The following KCNIP1 variants were observed in gnomAD, a reference collection of about 807,000 sequenced individuals.
KCNIP1 encodes the protein potassium voltage-gated channel interacting protein 1.
A neutral mutation model predicts 33.0 loss-of-function variants in KCNIP1; 18 were observed. The ratio of observed to expected loss-of-function variants is 0.55; its 90% CI spans 0.38 to 0.81. The LOEUF (loss-of-function observed/expected upper bound fraction) is 0.81. Among genes scored for constraint, KCNIP1 ranks in the 30% least tolerant of loss-of-function variants. The pLI is 0.00. For synonymous variants in KCNIP1, 93 were observed against 98.3 expected, an observed-to-expected ratio of 0.95 and a Z score of 0.32; for missense variants, 238 against 271.6, an observed-to-expected ratio of 0.88 and a Z score of 0.87.
intron 1 of KCNIP1, among the ~76,000 whole-genome samples, chr5:170,645,112 T>C (rs1482185665): frequency 6.6e-6 from 1 of 152,112 alleles, no homozygotes; most frequent in East Asian, 1.9e-4. Flanking sequence ...CTCAGAAAAT[T>C]AGGTCCCTGG....
At chr5:170,524,276 G>T (rs1243845699) in intron 1 of KCNIP1, among the ~76,000 whole-genome samples, 1 of 152,120 alleles carries the variant, frequency 6.6e-6, no homozygotes, top group Non-Finnish European at 1.5e-5. Flanking sequence ...CCCCTGCCCT[G>T]CTTGTGACAC....
chr5:170,629,072 C>T (rs1252666803), intron 1 of KCNIP1, among the ~76,000 whole-genome samples: 2 of 152,210 alleles, frequency 1.3e-5, no homozygotes, highest in Admixed American at 1.3e-4. Context: ...ACTCCCACCT[C>T]GCACATCTAT....
intron 1 of KCNIP1, among the ~76,000 whole-genome samples, chr5:170,668,112 C>T (rs909795419): frequency 1.3e-5 from 2 of 152,200 alleles, no homozygotes; most frequent in African/African-American, 4.8e-5. Flanking sequence ...GCAACATGCA[C>T]TTTTCCTTGA....
At chr5:170,493,883 G>A (rs766869766) in intron 1 of KCNIP1, among the ~76,000 whole-genome samples, 44 of 152,144 alleles carry the variant, frequency 2.9e-4, no homozygotes, top group Admixed American at 1.6e-3. Flanking sequence ...CTCTCTCCAC[G>A]GAACTGTGAG....
Position 170,353,965 on chromosome 5 carries a change from G to A in KCNIP1, c.88+1G>A. On this transcript the variant is annotated splice_donor_variant, in intron 1 of 7. Transcript: ENST00000377360. LOFTEE classifies it high-confidence loss of function. ...CTCATCACTGGGACCCTCAGCAAAG[G>A]TATGGAAACTGGCCTTGACCCTTGC... 1 of 1,613,844 alleles carries A rather than the reference G, an allele frequency of 6.2e-7. No homozygotes were observed. Among genetic ancestry groups the A allele is most frequent in the East Asian group, 2.2e-5 (1 of 44,890 alleles).
intron 1 of KCNIP1, chr5:170,378,710 C>A: frequency 6.2e-7 from 1 of 1,609,694 alleles, no homozygotes; most frequent in South Asian, 1.1e-5. Context: ...GGCTCTACTT[C>A]TGGGCCGCCA....
At chr5:170,609,957 C>T (rs1458181339) in intron 1 of KCNIP1, among the ~76,000 whole-genome samples, 1 of 152,174 alleles carries the variant, frequency 6.6e-6, no homozygotes, top group Non-Finnish European at 1.5e-5. Flanking sequence ...GGAAGCTGGA[C>T]ATAAAGCTAG....
At chr5:170,390,517 A>AAAAAAAAAAAATATAAATAT in intron 1 of KCNIP1, among the ~76,000 whole-genome samples, 1 of 74,546 alleles carries the variant, frequency 1.3e-5, no homozygotes, top group Admixed American at 1.5e-4. Context: ...AAAAAAAACA[A>AAAAAAAAAAAATATAAATAT]ATATATATAT....
intron 1 of KCNIP1, among the ~76,000 whole-genome samples, chr5:170,683,930 GTGTGT>G (rs1762453011): frequency 6.7e-6 from 1 of 149,992 alleles, no homozygotes; most frequent in African/African-American, 2.5e-5. Flanking sequence ...GTGTGTGTGT[GTGTGT>G]TAGTAGAGAC....
chr5:170,704,935 GTTTCAT>G (rs1763208292), intron 1 of KCNIP1, among the ~76,000 whole-genome samples: 3 of 152,102 alleles, frequency 2.0e-5, no homozygotes, highest in South Asian at 2.1e-4. Context: ...TTTTATGATG[GTTTCAT>G]TTTACATTTT....
chr5:170,723,429 T>C (rs1301513125), intron 5 of KCNIP1, among the ~76,000 whole-genome samples: 1 of 152,052 alleles, frequency 6.6e-6, no homozygotes, highest in Non-Finnish European at 1.5e-5. Context: ...CACTTTGGTA[T>C]CCACTGTATC....
chr5:170,690,613 G>A (rs371980863), intron 1 of KCNIP1, among the ~76,000 whole-genome samples: 63 of 152,318 alleles, frequency 4.1e-4, no homozygotes, highest in African/African-American at 1.5e-3. Context: ...CAACTCTGGG[G>A]CACCCTCACT....
chr5:170,449,086 T>C (rs1756185935), intron 1 of KCNIP1, among the ~76,000 whole-genome samples: 1 of 152,196 alleles, frequency 6.6e-6, no homozygotes, highest in Admixed American at 6.5e-5. Flanking sequence ...AATGAGACAC[T>C]AGCCCTCTCC....
intron 1 of KCNIP1, among the ~76,000 whole-genome samples, chr5:170,492,901 C>A (rs1271230050): frequency 5.3e-5 from 8 of 152,180 alleles, no homozygotes; most frequent in African/African-American, 1.9e-4. Flanking sequence ...AGGTGCCCAC[C>A]ACCATGCCTG....
chr5:170,718,318 C>G (rs1763701019), intron 1 of KCNIP1, among the ~76,000 whole-genome samples: 2 of 152,130 alleles, frequency 1.3e-5, no homozygotes, highest in Admixed American at 1.3e-4. Flanking sequence ...TCCTAGTTGG[C>G]CCCAATGGTG....
intron 1 of KCNIP1, among the ~76,000 whole-genome samples, chr5:170,408,749 C>A (rs1458414705): frequency 6.6e-6 from 1 of 152,180 alleles, no homozygotes; most frequent in Non-Finnish European, 1.5e-5. Flanking sequence ...GCTTTCTCTG[C>A]TGTCACTGCG....
chr5:170,463,602 T>C (rs1756551681), intron 1 of KCNIP1, among the ~76,000 whole-genome samples: 1 of 152,092 alleles, frequency 6.6e-6, no homozygotes, highest in African/African-American at 2.4e-5. Flanking sequence ...AGAAAAATCA[T>C]TTAACAAAAT....
At chr5:170,510,577 T>G (rs917027654) in intron 1 of KCNIP1, among the ~76,000 whole-genome samples, 5 of 152,212 alleles carry the variant, frequency 3.3e-5, no homozygotes, top group African/African-American at 1.2e-4. Flanking sequence ...CCTAGGGCCT[T>G]CAGAGAAACA....
intron 1 of KCNIP1, among the ~76,000 whole-genome samples, chr5:170,360,323 C>T (rs999315040): frequency 2.6e-5 from 4 of 152,210 alleles, no homozygotes; most frequent in Non-Finnish European, 4.4e-5. Flanking sequence ...CCCAGAGGGA[C>T]CTGGGCTCCA....
Sources: allele counts gnomAD v4.1 joint callset (sites outside exome capture counted in the v4.1 genomes callset), GRCh38; gene constraint gnomAD v4.1.1; transcripts MANE v1.5; gene names NCBI Gene and HGNC (gene_info 2026-07-23, HGNC 2026-07-21).